Variants in PTPN3 observed in about 807,000 individuals in gnomAD.
The protein encoded by PTPN3 is tyrosine-protein phosphatase non-receptor type 3.
PTPN3 carries 96 observed loss-of-function variants against 132.7 expected under a neutral mutation model. That is an observed-to-expected ratio of 0.72 (90% CI 0.61 to 0.86). PTPN3 has a LOEUF of 0.86. Among genes scored for constraint, PTPN3 ranks in the 40% least tolerant of loss-of-function variants. The pLI is 0.00. For synonymous variants in PTPN3, 398 were observed against 429.0 expected (o/e 0.93, Z 0.89); for missense variants, 1,125 against 1,159.6 (o/e 0.97, Z 0.43).
At chr9:109,395,808 G>C (rs1028490591) in intron 19 of PTPN3, among the ~76,000 whole-genome samples, 16 of 148,886 alleles carry the variant, frequency 1.1e-4, no homozygotes, top group East Asian at 3.9e-4. Context: ...CTGTGTGTGT[G>C]TCTCTCTCTC....
chr9:109,410,495 G>A, intron 14 of PTPN3, 80 bp from the exon 15 acceptor site: 2 of 1,433,818 alleles, frequency 1.4e-6, no homozygotes, highest in African/African-American at 1.4e-5. Flanking sequence ...GTAGGGGCCT[G>A]GCAGCTGGGG....
the PTPN3 span, among the ~76,000 whole-genome samples, chr9:109,525,047 G>A: frequency 2.6e-5 from 4 of 151,674 alleles, no homozygotes; most frequent in South Asian, 2.1e-4. Flanking sequence ...TGCCTGGCCA[G>A]TTTATTTTTA....
At chr9:109,389,869 C>T (rs536469437) in intron 21 of PTPN3, among the ~76,000 whole-genome samples, 1 of 152,296 alleles carries the variant, frequency 6.6e-6, no homozygotes, top group South Asian at 2.1e-4. Flanking sequence ...TGAAGTTGGT[C>T]AATCTTGACA....
chr9:109,408,441 A>AAAC (rs1564403233), intron 16 of PTPN3, 64 bp from the exon 17 acceptor site: 16 of 673,076 alleles, frequency 2.4e-5, no homozygotes, highest in Non-Finnish European at 3.4e-5. Flanking sequence ...AACAAACAAA[A>AAAC]AAACGAGTAG....
At chr9:109,430,934 GC>G (rs1843619102) in intron 10 of PTPN3, among the ~76,000 whole-genome samples, 1 of 152,182 alleles carries the variant, frequency 6.6e-6, no homozygotes. Flanking sequence ...TTTTCCTTGG[GC>G]CAAAGCTCAG....
the PTPN3 span, among the ~76,000 whole-genome samples, chr9:109,504,162 G>A: frequency 6.6e-6 from 1 of 152,174 alleles, no homozygotes; most frequent in Non-Finnish European, 1.5e-5. Flanking sequence ...GAATCTTCTG[G>A]TCAGAGAGAA....
chr9:109,509,423 G>C, the PTPN3 span, among the ~76,000 whole-genome samples: 1 of 152,070 alleles, frequency 6.6e-6, no homozygotes, highest in African/African-American at 2.4e-5. Flanking sequence ...ATAGGCTCAG[G>C]GGCCTCTCCC....
At position 109,378,853 on chromosome 9, in the gene PTPN3, A is replaced by C. The variant is rs1024537158; in HGVS notation, c.*703T>G. 2 of 152,738 alleles carry C rather than the reference A, an allele frequency of 1.3e-5. No homozygotes were observed. The highest frequency in any genetic ancestry group is 2.9e-5 in the Non-Finnish European group (2 of 68,120). 9.5% of individuals were successfully genotyped at this position (152,738 alleles called of 1,614,324 possible). A position where few individuals can be genotyped will look rare whatever the true frequency, so the allele number is the denominator to read the frequency against. ...CACAAGATGACCAGAACACACTGAG[A>C]GTACCAGTTCTCAGAGCCTCAGCTG... On this transcript the variant is annotated 3_prime_UTR_variant, in exon 26 of 26. Transcript: ENST00000374541.
At chr9:109,525,154 T>A in the PTPN3 span, among the ~76,000 whole-genome samples, 546 of 152,278 alleles carry the variant, frequency 3.6e-3, 5 homozygotes, top group African/African-American at 0.012. Flanking sequence ...CTGGCTCAAG[T>A]GATCCTTCTG....
Position 109,436,937 on chromosome 9 carries a change from A to G in PTPN3, c.621T>C (p.Tyr207=). ...GLKQSEAESC[Y]INIARTLDFY... is the part of the protein sequence containing the mutation. ...AGTCGAGGGTCCGCGCTATGTTGATATAGCAGGATTCTGCTTCTGATTGTT... is the reference window on the plus strand; with the variant it reads ...AGTCGAGGGTCCGCGCTATGTTGATGTAGCAGGATTCTGCTTCTGATTGTT... Residue 207 remains tyrosine (Y), a synonymous_variant, in exon 9 of 26, where the codon TAT becomes TAC. Transcript: ENST00000374541. 1 of 1,614,136 alleles carries G rather than the reference A, an allele frequency of 6.2e-7. No homozygotes were observed. The highest frequency in any genetic ancestry group is 8.5e-7 in the Non-Finnish European group (1 of 1,179,988).
At chr9:109,465,782 A>C (rs1439279845) in intron 1 of PTPN3, among the ~76,000 whole-genome samples, 4 of 151,956 alleles carry the variant, frequency 2.6e-5, no homozygotes, top group African/African-American at 9.7e-5. Context: ...CGGTGAAGAT[A>C]TAACTCTGAC....
the PTPN3 span, among the ~76,000 whole-genome samples, chr9:109,521,755 T>A: frequency 6.6e-6 from 1 of 152,232 alleles, no homozygotes; most frequent in Non-Finnish European, 1.5e-5. Context: ...AAAGACGAGG[T>A]CTAGCTTGCT....
chr9:109,442,654 G>A (rs1028651109), intron 7 of PTPN3, among the ~76,000 whole-genome samples: 2 of 152,182 alleles, frequency 1.3e-5, no homozygotes, highest in African/African-American at 4.8e-5. Flanking sequence ...TTCCCTGACA[G>A]CTTTCTTCTG....
intron 19 of PTPN3, among the ~76,000 whole-genome samples, chr9:109,401,631 A>G (rs1191101016): frequency 6.6e-6 from 1 of 152,210 alleles, no homozygotes; most frequent in African/African-American, 2.4e-5. Context: ...GTGAGAGCCC[A>G]CAGCGCCTCC....
the PTPN3 span, among the ~76,000 whole-genome samples, chr9:109,511,130 G>C: frequency 2.6e-5 from 4 of 152,060 alleles, no homozygotes; most frequent in Admixed American, 2.6e-4. Flanking sequence ...TCCTATGGGA[G>C]GTTCAGCCAT....
chr9:109,493,023 ATG>A (rs1261551862), intron 1 of PTPN3, among the ~76,000 whole-genome samples: 1 of 152,200 alleles, frequency 6.6e-6, no homozygotes, highest in Non-Finnish European at 1.5e-5. Flanking sequence ...CCCAAGCAAA[ATG>A]TTTTAAATTT....
chr9:109,394,837 T>C (rs1477595063), intron 19 of PTPN3, among the ~76,000 whole-genome samples: 1 of 152,088 alleles, frequency 6.6e-6, no homozygotes, highest in Non-Finnish European at 1.5e-5. Flanking sequence ...GTTTGTAAAT[T>C]ATAACAAAGA....
chr9:109,408,796 A>AAATATATATAT (rs1377996219), intron 16 of PTPN3, among the ~76,000 whole-genome samples: 1 of 108,374 alleles, frequency 9.2e-6, no homozygotes, highest in African/African-American at 3.7e-5. Context: ...AAAAAAAAAA[A>AAATATATATAT]ATATATATAT....
chr9:109,417,819 C>T (rs1381186290), intron 14 of PTPN3: 1 of 971,446 alleles, frequency 1.0e-6, no homozygotes, highest in African/African-American at 1.8e-5. Context: ...CTTTGAACCA[C>T]TGTTATTTGC....
Sources: allele counts gnomAD v4.1 joint callset (sites outside exome capture counted in the v4.1 genomes callset), GRCh38; gene constraint gnomAD v4.1.1; transcripts MANE v1.5; gene names NCBI Gene and HGNC (gene_info 2026-07-23, HGNC 2026-07-21).